INVS: variants seen among roughly 807,000 people sequenced by gnomAD.
The protein encoded by INVS is inversion of embryo turning homolog.
Under a neutral mutation model 108.8 loss-of-function variants are expected in INVS, and 86 were observed. The observed-to-expected ratio is 0.79, with a 90% CI of 0.66 to 0.95. The LOEUF is 0.95. Among genes scored for constraint, INVS ranks in the 40% least tolerant of loss-of-function variants. The pLI, the probability that INVS is intolerant of heterozygous loss-of-function variation, is 0.00. For synonymous variants in INVS, 455 were observed against 473.5 expected, an observed-to-expected ratio of 0.96 and a Z score of 0.51; for missense variants, 1,169 against 1,297.4, an observed-to-expected ratio of 0.90 and a Z score of 1.52.
chr9:100,151,846 T>C (rs556615428), intron 3 of INVS, among the ~76,000 whole-genome samples: 1 of 152,324 alleles, frequency 6.6e-6, no homozygotes, highest in East Asian at 1.9e-4. Flanking sequence ...TACAACAGAA[T>C]ACAATGCCAG....
intron 11 of INVS, 142 bp from the exon 12 acceptor site, chr9:100,272,722 A>T (rs958635363): frequency 7.8e-6 from 6 of 766,816 alleles, no homozygotes; most frequent in Non-Finnish European, 1.1e-5. Context: ...TAGCCCTGTT[A>T]TAGAGAAGGT....
chr9:100,234,588 G>T lies in INVS; in HGVS notation c.615+4761G>T, dbSNP rs143108662. Among the ~76,000 whole-genome samples, 544 of 152,274 alleles carry T rather than the reference G, an allele frequency of 3.6e-3. 3 individuals are homozygous for T. Among genetic ancestry groups the T allele is most frequent in the African/African-American group, 0.012 (513 of 41,558 alleles). On this transcript the variant is annotated intron_variant, in intron 5 of 16. Transcript: ENST00000262457. ...TGTCTTTGTTCTCATTGGTTTCAAA[G>T]AACTTATTTATTTCTGCTTTTATTT... is the stretch of plus-strand genomic sequence containing the variant.
At chr9:100,252,207 A>G (rs973291854) in intron 8 of INVS, 76 bp from the exon 9 acceptor site, 5 of 1,402,558 alleles carry the variant, frequency 3.6e-6, no homozygotes, top group Non-Finnish European at 5.0e-6. Context: ...AAATCAAGAG[A>G]GGAAAAGACA....
intron 14 of INVS, among the ~76,000 whole-genome samples, chr9:100,294,070 A>T (rs1431304935): frequency 6.6e-6 from 1 of 152,194 alleles, no homozygotes; most frequent in African/African-American, 2.4e-5. Flanking sequence ...TGTGAGGCTG[A>T]GGCAGGAGGA....
At chr9:100,271,297 G>T (rs1443235718) in intron 11 of INVS, among the ~76,000 whole-genome samples, 1 of 152,146 alleles carries the variant, frequency 6.6e-6, no homozygotes, top group East Asian at 1.9e-4. Flanking sequence ...TTGACATCCT[G>T]GAGATTGTTT....
intron 4 of INVS, 62 bp from the exon 5 acceptor site, chr9:100,229,598 A>G (rs1475211507): frequency 6.8e-7 from 1 of 1,471,108 alleles, no homozygotes; most frequent in Non-Finnish European, 9.5e-7. Flanking sequence ...CTGTCCCACA[A>G]TAAAAGATTG....
chr9:100,177,992 G>A (rs1219839507), intron 3 of INVS, among the ~76,000 whole-genome samples: 3 of 152,190 alleles, frequency 2.0e-5, no homozygotes, highest in African/African-American at 2.4e-5. Context: ...AACAGGGTCT[G>A]GAGTGGACTT....
At position 100,284,372 on chromosome 9, in the gene INVS, C is replaced by CG. The variant is rs760977974; in HGVS notation, c.1839dup (p.Ser614GlufsTer15). The CG allele has an allele frequency of 6.2e-7, 1 of 1,613,672 alleles. No individual in the cohort carries two copies. Among genetic ancestry groups the CG allele is most frequent in the South Asian group, 1.1e-5 (1 of 91,082 alleles). ...AGAGGCAGAACAGCAAAAAGGAAGG[C>CG]GGAGCCCAGATTCCTGCAGACCCCA... is the stretch of plus-strand genomic sequence containing the variant. On this transcript the variant is annotated frameshift_variant, in exon 13 of 17. Coordinates refer to ENST00000262457, the MANE Select transcript of INVS (RefSeq NM_014425.5). LOFTEE classifies it high-confidence loss of function.
chr9:100,226,394 C>A (rs771976354), intron 4 of INVS, among the ~76,000 whole-genome samples, 159 bp downstream of exon 4: 1 of 152,176 alleles, frequency 6.6e-6, no homozygotes, highest in Non-Finnish European at 1.5e-5. Flanking sequence ...CACTTAAATT[C>A]TGTCATTTTA....
At chr9:100,199,823 C>T (rs1021764910) in intron 3 of INVS, among the ~76,000 whole-genome samples, 4 of 152,070 alleles carry the variant, frequency 2.6e-5, no homozygotes, top group African/African-American at 9.7e-5. Flanking sequence ...GCTTTGGATT[C>T]ACTGAGTTTC....
intron 12 of INVS, 25 bp downstream of exon 12, chr9:100,273,101 G>A (rs778453919): frequency 2.5e-5 from 39 of 1,586,956 alleles, no homozygotes; most frequent in African/African-American, 2.2e-4. Context: ...CGCAGATTGC[G>A]TTTTCGCCAC....
intron 11 of INVS, among the ~76,000 whole-genome samples, chr9:100,268,439 T>C (rs936488351): frequency 6.6e-6 from 1 of 152,136 alleles, no homozygotes; most frequent in African/African-American, 2.4e-5. Context: ...ACGGTAAACA[T>C]CTAGAGGCTA....
chr9:100,156,363 C>G (rs1201813830), intron 3 of INVS, among the ~76,000 whole-genome samples: 1 of 148,140 alleles, frequency 6.8e-6, no homozygotes, highest in Non-Finnish European at 1.5e-5. Flanking sequence ...TGGGTTCAAG[C>G]AATTCTCCAG....
intron 7 of INVS, among the ~76,000 whole-genome samples, chr9:100,245,730 T>A (rs1011548495): frequency 6.6e-6 from 1 of 152,224 alleles, no homozygotes; most frequent in African/African-American, 2.4e-5. Context: ...TTCAAAAATG[T>A]TTAGTAACTA....
chr9:100,292,203 A>T lies in INVS; in HGVS notation c.2069-123A>T. On this transcript the variant is annotated intron_variant, in intron 13 of 16. Coordinates refer to ENST00000262457, the MANE Select transcript of INVS (RefSeq NM_014425.5). Reference sequence around the variant, plus strand: ...ATAGAAGTTAAACCGTTTTTTTCCTAGTCTGTAACTGCCACTATTATGGTG... The same window carrying T: ...ATAGAAGTTAAACCGTTTTTTTCCTTGTCTGTAACTGCCACTATTATGGTG... The T allele has an allele frequency of 1.0e-5, 9 of 888,672 alleles. No individual in the cohort carries two copies. The Admixed American group carries it at 1.3e-4, about 13-fold the overall frequency. The allele number at this position is 888,672 out of a possible 1,614,324, so 55.0% of individuals were successfully genotyped here.
chr9:100,222,206 A>G (rs1359898145), intron 3 of INVS, among the ~76,000 whole-genome samples: 1 of 152,198 alleles, frequency 6.6e-6, no homozygotes, highest in East Asian at 1.9e-4. Flanking sequence ...CACACTGGAA[A>G]ACTATTTATA....
At chr9:100,124,419 C>G (rs1334451154) in intron 2 of INVS, among the ~76,000 whole-genome samples, 1 of 151,826 alleles carries the variant, frequency 6.6e-6, no homozygotes, top group Non-Finnish European at 1.5e-5. Context: ...CGAAACATAA[C>G]TCTAAAAATT....
chr9:100,184,839 T>C (rs1013151490), intron 3 of INVS, among the ~76,000 whole-genome samples: 19 of 152,130 alleles, frequency 1.2e-4, no homozygotes, highest in African/African-American at 3.9e-4. Context: ...TTAAAGACAT[T>C]GCATGCAGGA....
chr9:100,216,752 C>T (rs2787363), intron 3 of INVS, among the ~76,000 whole-genome samples: 47,812 of 152,122 alleles, frequency 0.31, 8,626 homozygotes, highest in Non-Finnish European at 0.42. Flanking sequence ...CATGGTCTTT[C>T]AGCTTGCTGC....
Sources: allele counts gnomAD v4.1 joint callset (sites outside exome capture counted in the v4.1 genomes callset), GRCh38; gene constraint gnomAD v4.1.1; transcripts MANE v1.5; gene names NCBI Gene and HGNC (gene_info 2026-07-23, HGNC 2026-07-21).